PDLIM5: variants seen among roughly 807,000 people sequenced by gnomAD.
PDLIM5 encodes PDZ and LIM domain protein 5.
A neutral mutation model predicts 64.2 loss-of-function variants in PDLIM5; 34 were observed. The observed-to-expected ratio is 0.53, with a 90% confidence interval of 0.40 to 0.71. The LOEUF (loss-of-function observed/expected upper bound fraction) is 0.71, where lower values mean the gene tolerates loss of function less well. PDLIM5 is among the 30% of genes least tolerant of loss of function. The pLI, the probability that PDLIM5 is intolerant of heterozygous loss-of-function variation, is 0.00. For synonymous variants in PDLIM5, 253 were observed against 269.1 expected, an observed-to-expected ratio of 0.94 and a Z score of 0.59; for missense variants, 683 against 733.6, an observed-to-expected ratio of 0.93 and a Z score of 0.80.
At chr4:94,592,447 G>A (rs1015599203) in intron 7 of PDLIM5, among the ~76,000 whole-genome samples, 5 of 152,190 alleles carry the variant, frequency 3.3e-5, no homozygotes, top group Admixed American at 2.6e-4. Flanking sequence ...TTCTGTTGCT[G>A]AGTAGCCTTT....
At chr4:94,503,313 G>T (rs1166969866) in intron 2 of PDLIM5, among the ~76,000 whole-genome samples, 4 of 152,078 alleles carry the variant, frequency 2.6e-5, no homozygotes, top group Non-Finnish European at 5.9e-5. Context: ...GGTGTACTCC[G>T]ATTTGAAATA....
rs533923622 is a variant in PDLIM5, at chr4:94,664,385, C to T, written c.*318C>T. On this transcript the variant is annotated 3_prime_UTR_variant, in exon 13 of 13. Coordinates refer to ENST00000317968, the MANE Select transcript of PDLIM5 (RefSeq NM_006457.5). Reference sequence around the variant, plus strand: ...GAATTTAATTTTAGAATAAATAATCCAATCTGAAATAATTATACCTTCTTT... The same window carrying T: ...GAATTTAATTTTAGAATAAATAATCTAATCTGAAATAATTATACCTTCTTT... 2.1e-5 allele frequency: 15 copies of T among 725,252 alleles called. No individual in the cohort carries two copies. In the South Asian group the frequency reaches 8.8e-4, roughly 42 times the overall value. The allele number at this position is 725,252 out of a possible 1,614,324, so 44.9% of individuals were successfully genotyped here. A position where few individuals can be genotyped will look rare whatever the true frequency, so the allele number is the denominator to read the frequency against.
chr4:94,515,975 A>C (rs1297812413), intron 2 of PDLIM5, among the ~76,000 whole-genome samples: 2 of 152,232 alleles, frequency 1.3e-5, no homozygotes, highest in African/African-American at 2.4e-5. Context: ...TCACACATTA[A>C]CACTTTGGAT....
intron 5 of PDLIM5, chr4:94,582,868 G>A: frequency 1.6e-6 from 1 of 627,314 alleles, no homozygotes; most frequent in Admixed American, 2.9e-5. Flanking sequence ...AGCATAAGAA[G>A]CATTTTTTTT....
chr4:94,469,169 GA>G (rs1002087528), intron 2 of PDLIM5, among the ~76,000 whole-genome samples: 4 of 152,134 alleles, frequency 2.6e-5, no homozygotes, highest in Admixed American at 2.6e-4. Context: ...TGTATGCACT[GA>G]AAATACAGTG....
chr4:94,594,757 A>G (rs1736937811), intron 7 of PDLIM5, among the ~76,000 whole-genome samples: 1 of 152,338 alleles, frequency 6.6e-6, no homozygotes, highest in East Asian at 1.9e-4. Context: ...ATATAAGTAT[A>G]AAGTGGTATT....
chr4:94,555,695 T>A (rs1226776868), intron 3 of PDLIM5, among the ~76,000 whole-genome samples: 1 of 152,034 alleles, frequency 6.6e-6, no homozygotes, highest in Non-Finnish European at 1.5e-5. Flanking sequence ...ATTCATATGG[T>A]AAATACATGG....
At chr4:94,633,148 A>G (rs1740290670) in intron 8 of PDLIM5, among the ~76,000 whole-genome samples, 1 of 152,246 alleles carries the variant, frequency 6.6e-6, no homozygotes. Context: ...TAAATGGCGT[A>G]TCTTGAATTT....
At chr4:94,556,160 G>GT (rs1261846971) in intron 3 of PDLIM5, among the ~76,000 whole-genome samples, 2 of 151,590 alleles carry the variant, frequency 1.3e-5, no homozygotes, top group South Asian at 4.2e-4. Context: ...GCAGTGTTTG[G>GT]TTTTTTGTCC....
intron 10 of PDLIM5, 64 bp downstream of exon 10, chr4:94,654,704 A>T (rs977117303): frequency 9.8e-7 from 1 of 1,016,368 alleles, no homozygotes; most frequent in African/African-American, 1.6e-5. Flanking sequence ...TTGATATGAA[A>T]GTCTTCTATC....
chr4:94,602,430 C>T (rs1198742481), intron 7 of PDLIM5, among the ~76,000 whole-genome samples: 2 of 152,106 alleles, frequency 1.3e-5, no homozygotes, highest in Non-Finnish European at 2.9e-5. Context: ...AATTTTATTA[C>T]TGATAGAGAA....
At chr4:94,653,455 G>A (rs962201240) in intron 9 of PDLIM5, among the ~76,000 whole-genome samples, 1 of 152,134 alleles carries the variant, frequency 6.6e-6, no homozygotes, top group African/African-American at 2.4e-5. Context: ...AGTCTCTGCA[G>A]GCTTCATGAC....
At chr4:94,642,816 C>T (rs368820437) in intron 9 of PDLIM5, among the ~76,000 whole-genome samples, 7 of 152,156 alleles carry the variant, frequency 4.6e-5, no homozygotes, top group African/African-American at 1.7e-4. Context: ...TTCTCTTGGA[C>T]ACCTGTTTTA....
chr4:94,513,008 T>C (rs2110109025), intron 2 of PDLIM5, among the ~76,000 whole-genome samples: 3 of 152,338 alleles, frequency 2.0e-5, no homozygotes, highest in Admixed American at 2.0e-4. Context: ...TCCCAGTGTA[T>C]GGTCTTGGCA....
intron 2 of PDLIM5, among the ~76,000 whole-genome samples, chr4:94,458,179 A>G (rs1723549305): frequency 6.6e-6 from 1 of 152,106 alleles, no homozygotes; most frequent in African/African-American, 2.4e-5. Context: ...ACTTACTCTC[A>G]TCTTAATTAG....
intron 2 of PDLIM5, among the ~76,000 whole-genome samples, chr4:94,489,675 CA>C (rs1726681557): frequency 6.6e-6 from 1 of 152,024 alleles, no homozygotes. Flanking sequence ...CCTATAATCC[CA>C]GCATTTTGGA....
chr4:94,603,924 A>G (rs2110356742), intron 7 of PDLIM5, among the ~76,000 whole-genome samples: 1 of 152,334 alleles, frequency 6.6e-6, no homozygotes, highest in African/African-American at 2.4e-5. Context: ...TCATTTGGAC[A>G]TGGTGAAAGA....
At chr4:94,504,946 C>A (rs1728257522) in intron 2 of PDLIM5, among the ~76,000 whole-genome samples, 1 of 152,076 alleles carries the variant, frequency 6.6e-6, no homozygotes, top group Non-Finnish European at 1.5e-5. Flanking sequence ...CTTTCTAAAC[C>A]AAGTTTCTTG....
At chr4:94,663,431 C>T (rs996181520) in intron 12 of PDLIM5, among the ~76,000 whole-genome samples, 2 of 152,096 alleles carry the variant, frequency 1.3e-5, no homozygotes, top group Non-Finnish European at 2.9e-5. Flanking sequence ...AGATAGTGGA[C>T]TGACTGTATA....
Sources: allele counts gnomAD v4.1 joint callset (sites outside exome capture counted in the v4.1 genomes callset), GRCh38; gene constraint gnomAD v4.1.1; transcripts MANE v1.5; gene names NCBI Gene and HGNC (gene_info 2026-07-23, HGNC 2026-07-21).